The following GSE1 variants were observed in gnomAD, a reference collection of about 807,000 sequenced individuals.
GSE1 encodes the protein genetic suppressor element 1.
In GSE1, 32 loss-of-function variants were observed where a neutral mutation model predicts 112.6. The ratio of observed to expected loss-of-function variants is 0.28; its 90% confidence interval spans 0.21 to 0.38. The LOEUF (loss-of-function observed/expected upper bound fraction) is 0.38, where lower values mean the gene tolerates loss of function less well. Ranked by LOEUF, GSE1 falls within the 10% of genes least tolerant of loss-of-function variation. The probability of loss-of-function intolerance (pLI) is 1.00; values close to 1 mark genes in which losing one functional copy is unlikely to be tolerated. For synonymous variants in GSE1, 1,115 were observed against 735.6 expected (o/e 1.52, Z -8.35); for missense variants, 2,348 against 1,699.2 (o/e 1.38, Z -6.71).
chr16:85,638,865 C>A (rs1046106455), intron 2 of GSE1, among the ~76,000 whole-genome samples: 7 of 151,984 alleles, frequency 4.6e-5, no homozygotes, highest in Non-Finnish European at 7.4e-5. Context: ...GCCATGGCTT[C>A]CCCCCGTCAA....
Position 85,675,108 on chromosome 16 carries a change from G to C in GSE1, c.*2569G>C, listed in dbSNP as rs553274269. 7.2e-5 allele frequency: 11 copies of C among 152,286 alleles called. No homozygotes were observed. Among genetic ancestry groups the C allele is most frequent in the African/African-American group, 2.6e-4 (11 of 41,560 alleles). 9.4% of individuals were successfully genotyped at this position (152,286 alleles called of 1,614,324 possible). ...CAGATTATTCTCAAAGAACACAGTA[G>C]CACCTAAATCTGTTTTCAATTGGGC... On this transcript the variant is annotated 3_prime_UTR_variant, in exon 16 of 16. Transcript: ENST00000253458.
At chr16:85,498,829 C>A (rs952729005) in intron 2 of GSE1, among the ~76,000 whole-genome samples, 4 of 152,228 alleles carry the variant, frequency 2.6e-5, no homozygotes, top group Admixed American at 6.5e-5. Context: ...GAAGGAACAG[C>A]TGTCTGGCCC....
chr16:85,508,344 A>G (rs2051612775), intron 2 of GSE1, among the ~76,000 whole-genome samples: 1 of 151,976 alleles, frequency 6.6e-6, no homozygotes, highest in African/African-American at 2.4e-5. Flanking sequence ...TCCCTCACTT[A>G]TTTTTCGGAA....
chr16:85,517,422 A>T (rs538857494), intron 2 of GSE1, among the ~76,000 whole-genome samples: 1 of 151,880 alleles, frequency 6.6e-6, no homozygotes, highest in African/African-American at 2.4e-5. Flanking sequence ...CTTCCAGCAG[A>T]CTCCTGGAGA....
Position 85,673,098 on chromosome 16 carries a change from G to T in GSE1, c.*559G>T, listed in dbSNP as rs2053473528. The T allele has an allele frequency of 6.6e-6, 1 of 152,132 alleles. No homozygotes were observed. Among genetic ancestry groups the T allele is most frequent in the African/African-American group, 2.4e-5 (1 of 41,350 alleles). 9.4% of individuals were successfully genotyped at this position (152,132 alleles called of 1,614,324 possible). On this transcript the variant is annotated 3_prime_UTR_variant, in exon 16 of 16. Coordinates refer to ENST00000253458, the MANE Select transcript of GSE1 (RefSeq NM_014615.5). ...TTTTCTTCAAAGCAACAAGTCCTAG[G>T]AGCACACAAAGCAACCCAAAGGCTT...
chr16:85,196,571 T>C (rs2074932180), intron 1 of GSE1, among the ~76,000 whole-genome samples: 1 of 152,114 alleles, frequency 6.6e-6, no homozygotes, highest in Non-Finnish European at 1.5e-5. Context: ...TTGGAGAGTT[T>C]TCTGGATTCC....
intron 2 of GSE1, among the ~76,000 whole-genome samples, chr16:85,467,849 G>A (rs2050168761): frequency 6.6e-6 from 1 of 152,220 alleles, no homozygotes; most frequent in Non-Finnish European, 1.5e-5. Context: ...GTTGACAGTT[G>A]ATTCGTGTGA....
intron 2 of GSE1, among the ~76,000 whole-genome samples, chr16:85,402,728 C>G (rs2048145550): frequency 6.6e-6 from 1 of 152,074 alleles, no homozygotes; most frequent in Non-Finnish European, 1.5e-5. Flanking sequence ...TCAAGACCAG[C>G]CTGGACAACA....
At chr16:85,323,413 TAG>T (rs2046157642) in intron 1 of GSE1, among the ~76,000 whole-genome samples, 1 of 151,958 alleles carries the variant, frequency 6.6e-6, no homozygotes, top group Non-Finnish European at 1.5e-5. Context: ...CCTTGGGAGT[TAG>T]AGTCTCAGGA....
intron 2 of GSE1, among the ~76,000 whole-genome samples, chr16:85,431,017 T>C (rs1567481118): frequency 6.6e-6 from 1 of 151,806 alleles, no homozygotes; most frequent in South Asian, 2.1e-4. Flanking sequence ...GGGCTGAGGG[T>C]TTTTTAAAGC....
At chr16:85,409,194 A>G (rs1271217250) in intron 2 of GSE1, among the ~76,000 whole-genome samples, 1 of 32,026 alleles carries the variant, frequency 3.1e-5, no homozygotes, top group Non-Finnish European at 5.6e-5. Context: ...GATAATCCTC[A>G]CCGTTACACT....
chr16:85,595,580 G>A (rs1325591718), intron 1 of GSE1: 1 of 152,130 alleles, frequency 6.6e-6, no homozygotes, highest in Admixed American at 6.6e-5. Context: ...CGTTCCATGT[G>A]GTTGGGACTT....
chr16:85,283,706 T>C (rs2044927208), intron 1 of GSE1: 1 of 152,280 alleles, frequency 6.6e-6, no homozygotes, highest in Admixed American at 6.5e-5. Context: ...ACAGTATTTA[T>C]GGCTGTTGAT....
intron 2 of GSE1, among the ~76,000 whole-genome samples, chr16:85,536,972 C>A (rs551896157): frequency 1.3e-5 from 2 of 152,190 alleles, no homozygotes; most frequent in South Asian, 4.1e-4. Context: ...GGACGCCTGA[C>A]GTGGTCATTG....
At position 85,666,353 on chromosome 16, in the gene GSE1, G is replaced by T; in HGVS notation, c.3130+6G>T. The T allele has an allele frequency of 6.2e-7, 1 of 1,613,288 alleles. No homozygotes were observed. The highest frequency in any genetic ancestry group is 1.1e-5 in the South Asian group (1 of 91,042). On this transcript the variant is annotated splice_donor_region_variant and intron_variant, in intron 13 of 15. Coordinates refer to ENST00000253458, the MANE Select transcript of GSE1 (RefSeq NM_014615.5). ...GGCCCTGCAGAAGCATAAAGGTAAT[G>T]AGGCTGCCAGTCCCTGCTCAGCTCT...
At chr16:85,588,472 A>T (rs182265019) in intron 1 of GSE1, among the ~76,000 whole-genome samples, 230 of 152,316 alleles carry the variant, frequency 1.5e-3, no homozygotes, top group Non-Finnish European at 2.1e-4. Flanking sequence ...CATCTGGTCA[A>T]TTAATGCTGA....
At chr16:85,384,101 G>A (rs974353887) in intron 2 of GSE1, among the ~76,000 whole-genome samples, 1 of 152,108 alleles carries the variant, frequency 6.6e-6, no homozygotes, top group African/African-American at 2.4e-5. Flanking sequence ...CGACCCTCCG[G>A]CCTTGCTATG....
chr16:85,502,669 G>A (rs1049617919), intron 2 of GSE1, among the ~76,000 whole-genome samples: 1 of 152,206 alleles, frequency 6.6e-6, no homozygotes, highest in Admixed American at 6.5e-5. Context: ...AACCCTACAG[G>A]GTCAGAGGCA....
At chr16:85,638,862 C>T (rs80045879) in intron 2 of GSE1, among the ~76,000 whole-genome samples, 5,317 of 152,064 alleles carry the variant, frequency 0.035, 173 homozygotes, top group East Asian at 0.13. Flanking sequence ...TCCGCCATGG[C>T]TTCCCCCCGT....
Sources: gnomAD v4.1 joint callset for allele counts (sites outside exome capture counted in the v4.1 genomes callset) on GRCh38, gnomAD v4.1.1 for gene constraint, MANE v1.5 for transcripts, NCBI Gene and HGNC (gene_info 2026-07-23, HGNC 2026-07-21) for gene names.